NRG1: variants seen among roughly 807,000 people sequenced by gnomAD.
The protein encoded by NRG1 is pro-neuregulin-1, membrane-bound isoform.
Under a neutral mutation model 63.8 loss-of-function variants are expected in NRG1, and 18 were observed. That is an observed-to-expected ratio of 0.28 (90% CI 0.19 to 0.42). The LOEUF (loss-of-function observed/expected upper bound fraction) is 0.42. Among genes scored for constraint, NRG1 ranks in the 10% least tolerant of loss-of-function variants. NRG1 has a pLI of 1.00. For missense variants in NRG1, 762 were observed against 814.7 expected (o/e 0.94, Z 0.79); for synonymous variants, 302 against 301.3 (o/e 1.00, Z -0.02).
chr8:32,504,079 G>A (rs559771141), intron 1 of NRG1, among the ~76,000 whole-genome samples: 75 of 152,218 alleles, frequency 4.9e-4, no homozygotes, highest in African/African-American at 1.8e-3. Context: ...AAGGTCATCC[G>A]CCATTTTGCC....
intron 1 of NRG1, among the ~76,000 whole-genome samples, chr8:32,316,801 AAAAATAAAAT>A (rs3055550): frequency 7.6e-6 from 1 of 131,798 alleles, no homozygotes; most frequent in Non-Finnish European, 1.7e-5. Context: ...TCAGCTCCAA[AAAAATAAAAT>A]AAAATAAAAT....
chr8:32,504,770 C>CT (rs1185266834), intron 1 of NRG1, among the ~76,000 whole-genome samples: 59 of 152,036 alleles, frequency 3.9e-4, no homozygotes, highest in Admixed American at 3.9e-3. Context: ...AGGTTACCTG[C>CT]TCAATGAGGG....
intron 1 of NRG1, among the ~76,000 whole-genome samples, chr8:31,949,408 C>G (rs381923): frequency 0.032 from 4,804 of 152,252 alleles, 249 homozygotes; most frequent in African/African-American, 0.11. Context: ...TCAACCCATT[C>G]AGTTAGGCTT....
At position 32,548,295 on chromosome 8, in the gene NRG1, G is replaced by A. The variant is rs904310322; in HGVS notation, c.-432G>A. 7 of 988,998 alleles carry A rather than the reference G, an allele frequency of 7.1e-6. 1 individual carries two copies. In the African/African-American group the frequency reaches 1.0e-4, roughly 15 times the overall value. The allele number at this position is 988,998 out of a possible 1,614,324, so 61.3% of individuals were successfully genotyped here. On this transcript the variant is annotated 5_prime_UTR_variant, in exon 1 of 12. Coordinates refer to ENST00000356819, the Ensembl canonical transcript of NRG1. ...GCTGCGGGGCAATTGAAAAAGAGCC[G>A]GCGAGGAGTTCCCCGAAACTTGTTG...
At chr8:31,769,160 A>T (rs1818371218) in intron 1 of NRG1, among the ~76,000 whole-genome samples, 1 of 152,196 alleles carries the variant, frequency 6.6e-6, no homozygotes, top group African/African-American at 2.4e-5. Context: ...TGTAAAGCAA[A>T]TCCAAAACAT....
intron 1 of NRG1, among the ~76,000 whole-genome samples, chr8:31,664,059 G>C (rs907528279): frequency 3.9e-5 from 6 of 152,028 alleles, no homozygotes; most frequent in Non-Finnish European, 8.8e-5. Context: ...GAGAGTCAGG[G>C]AAAAGTACTT....
At chr8:31,885,868 A>C (rs1830680094) in intron 1 of NRG1, among the ~76,000 whole-genome samples, 1 of 152,072 alleles carries the variant, frequency 6.6e-6, no homozygotes, top group Non-Finnish European at 1.5e-5. Flanking sequence ...TGAGGTCTTA[A>C]AATAGGGTTA....
chr8:31,657,853 G>A (rs1282191144), intron 1 of NRG1, among the ~76,000 whole-genome samples: 1 of 152,180 alleles, frequency 6.6e-6, no homozygotes, highest in African/African-American at 2.4e-5. Flanking sequence ...TTTGCCTCCA[G>A]GTCATCTGAT....
At chr8:32,015,929 CAATAT>C (rs1815463359) in intron 1 of NRG1, among the ~76,000 whole-genome samples, 1 of 151,106 alleles carries the variant, frequency 6.6e-6, no homozygotes, top group Non-Finnish European at 1.5e-5. Context: ...TTTTCAAATA[CAATAT>C]AAGAATTTAA....
At chr8:31,918,300 C>A (rs1306320697) in intron 1 of NRG1, among the ~76,000 whole-genome samples, 1 of 152,166 alleles carries the variant, frequency 6.6e-6, no homozygotes, top group Non-Finnish European at 1.5e-5. Flanking sequence ...GGGAATGCTT[C>A]CAGTTTTTGC....
chr8:32,623,295 T>G (rs117019410), intron 5 of NRG1, among the ~76,000 whole-genome samples: 1 of 152,086 alleles, frequency 6.6e-6, no homozygotes, highest in Non-Finnish European at 1.5e-5. Flanking sequence ...TGTAACTGAC[T>G]TACCTGCTTT....
intron 1 of NRG1, among the ~76,000 whole-genome samples, chr8:31,737,682 A>G (rs1814825388): frequency 6.6e-6 from 1 of 152,138 alleles, no homozygotes; most frequent in African/African-American, 2.4e-5. Context: ...AGAATAATGT[A>G]AATAACTTGG....
At chr8:32,251,866 G>A (rs114587241) in intron 1 of NRG1, among the ~76,000 whole-genome samples, 26 of 148,544 alleles carry the variant, frequency 1.8e-4, no homozygotes, top group African/African-American at 5.5e-4. Context: ...TTTGTTAGCC[G>A]CATAATGGTC....
chr8:32,422,198 G>A (rs1212651383), intron 1 of NRG1, among the ~76,000 whole-genome samples: 2 of 151,986 alleles, frequency 1.3e-5, no homozygotes, highest in Non-Finnish European at 2.9e-5. Flanking sequence ...AAAAAGTAAA[G>A]CATCATCCCA....
intron 1 of NRG1, among the ~76,000 whole-genome samples, chr8:32,323,002 C>T (rs1309977090): frequency 1.3e-5 from 2 of 152,072 alleles, no homozygotes; most frequent in African/African-American, 4.8e-5. Context: ...GGACAACACC[C>T]AACACCACCT....
At chr8:31,727,192 T>A (rs1813539667) in intron 1 of NRG1, among the ~76,000 whole-genome samples, 1 of 152,162 alleles carries the variant, frequency 6.6e-6, no homozygotes, top group South Asian at 2.1e-4. Context: ...GGGACTCAGA[T>A]ATGTAAATAA....
intron 1 of NRG1, among the ~76,000 whole-genome samples, chr8:32,328,108 G>C (rs185136053): frequency 1.0e-3 from 153 of 152,296 alleles, no homozygotes; most frequent in African/African-American, 3.6e-3. Context: ...AATTGAGACA[G>C]CATCTTTTAA....
At chr8:32,454,712 T>C (rs1299932725) in intron 1 of NRG1, among the ~76,000 whole-genome samples, 2 of 151,838 alleles carry the variant, frequency 1.3e-5, no homozygotes, top group Non-Finnish European at 1.5e-5. Context: ...TAATTTAGTA[T>C]TGAAGAAATA....
At position 31,725,332 on chromosome 8, in the gene NRG1, C is replaced by T. The variant is rs536491561; in HGVS notation, c.37+85901C>T. ...AACATGCCTTGGCATATGTTCCCAG[C>T]TAACGTTTGAGAAAACTCATTTTCG... is the stretch of plus-strand genomic sequence containing the variant. On this transcript the variant is annotated intron_variant, in intron 1 of 10. Transcript: ENST00000519301. Among the ~76,000 whole-genome samples the T allele has an allele frequency of 2.0e-5, 3 of 152,270 alleles. No homozygotes were observed. In the East Asian group the frequency reaches 5.8e-4, roughly 29 times the overall value.
Sources: allele counts gnomAD v4.1 joint callset (sites outside exome capture counted in the v4.1 genomes callset), GRCh38; gene constraint gnomAD v4.1.1; transcripts MANE v1.5; gene names NCBI Gene and HGNC (gene_info 2026-07-23, HGNC 2026-07-21).